LAMA3: variants seen among roughly 807,000 people sequenced by gnomAD.
The protein encoded by LAMA3 is laminin subunit alpha 3, also known as laminin subunit alpha-3.
A neutral mutation model predicts 402.0 loss-of-function variants in LAMA3; 281 were observed. The observed-to-expected ratio is 0.70, with a 90% confidence interval of 0.63 to 0.77. LAMA3 has a LOEUF of 0.77. LAMA3 is among the 30% of genes least tolerant of loss of function. LAMA3 has a pLI of 0.00. For missense variants in LAMA3, 3,840 were observed against 4,215.5 expected, an observed-to-expected ratio of 0.91 and a Z score of 2.47; for synonymous variants, 1,431 against 1,558.4, an observed-to-expected ratio of 0.92 and a Z score of 1.93.
Position 23,901,269 on chromosome 18 carries a change from C to T in LAMA3, c.6147C>T (p.Ala2049=), listed in dbSNP as rs1154226. The T allele has an allele frequency of 4.0e-5, 64 of 1,613,930 alleles. No homozygotes were observed. The highest frequency in any genetic ancestry group is 5.1e-5 in the Non-Finnish European group (60 of 1,180,010). Residue 2049 remains alanine (A), a synonymous_variant, in exon 48 of 75, where the codon GCC becomes GCT. Coordinates refer to ENST00000313654, the MANE Select transcript of LAMA3 (RefSeq NM_198129.4). The stretch of plus-strand genomic sequence containing the variant: ...GGCTGCAGGAGGCAGCTGCCCAAGC[C>T]AAGCAGGCAAATGGCTTGAACCAAG... ...RARLQEAAAQ[A]KQANGLNQEN... is the part of the protein sequence containing the mutation.
rs1383579754 is a variant in LAMA3 at position 23,838,879 on chromosome 18, G to A, written c.3191+1G>A. On this transcript the variant is annotated splice_donor_variant, in intron 26 of 74. Coordinates refer to ENST00000313654, the MANE Select transcript of LAMA3 (RefSeq NM_198129.4). LOFTEE classifies it high-confidence loss of function. ...GTTATGGGCGATTTGTCAATCAAAG[G>A]TAATGTGTTTCCTTCCTGTCTCCCC... 1 of 1,576,288 alleles carries A rather than the reference G, an allele frequency of 6.3e-7. No individual in the cohort carries two copies. Among genetic ancestry groups the A allele is most frequent in the African/African-American group, 1.3e-5 (1 of 74,252 alleles).
At position 23,842,724 on chromosome 18, in the gene LAMA3, G is replaced by T. The variant is rs376027899; in HGVS notation, c.3577G>T (p.Val1193Phe). The change falls in exon 29 of 75, where the codon GTT becomes TTT. Residue 1193 changes from valine to phenylalanine, a missense_variant. Coordinates refer to ENST00000313654, the MANE Select transcript of LAMA3 (RefSeq NM_198129.4). ...SEPEVAATVK[V>F]PEGKSLVLVR... ...GCCTGAAGTGGCCGCAACTGTGAAG[G>T]TTCCAGAAGGAAAGTCCTTGGTTTT... 3.7e-5 allele frequency: 60 copies of T among 1,614,104 alleles called. No individual in the cohort carries two copies. Among genetic ancestry groups the T allele is most frequent in the Middle Eastern group, 1.6e-4 (1 of 6,084 alleles).
In LAMA3 at chr18:23,921,359, G is replaced by A. The variant is rs1424085811; in HGVS notation, c.8044-93G>A. The A allele has an allele frequency of 2.2e-6, 3 of 1,360,260 alleles. No homozygotes were observed. The South Asian group carries it at 4.2e-5, about 19-fold the overall frequency. The allele number at this position is 1,360,260 out of a possible 1,614,324, so 84.3% of individuals were successfully genotyped here. ...TACTATGTATATAAATGAATCTGGG[G>A]GAAGATAAATAAAAACATGATAGTT... is the stretch of plus-strand genomic sequence containing the variant. On this transcript the variant is annotated intron_variant, in intron 61 of 74. Transcript: ENST00000313654.
chr18:23,882,984 AG>A (rs1444321569), intron 40 of LAMA3, among the ~76,000 whole-genome samples: 2 of 152,214 alleles, frequency 1.3e-5, no homozygotes, highest in African/African-American at 4.8e-5. Flanking sequence ...GTGGCCAAGG[AG>A]GCCTGAAGTT....
At chr18:23,895,199 C>CT (rs1359042561) in intron 44 of LAMA3, 141 bp downstream of exon 44, 38 of 965,432 alleles carry the variant, frequency 3.9e-5, no homozygotes, top group Middle Eastern at 3.0e-4. Context: ...GAAGATAAGA[C>CT]TTTTCCTGGT....
At chr18:23,793,430 A>G (rs1414928728) in intron 12 of LAMA3, among the ~76,000 whole-genome samples, 1 of 152,076 alleles carries the variant, frequency 6.6e-6, no homozygotes, top group Non-Finnish European at 1.5e-5. Flanking sequence ...CAGGGGCTGA[A>G]GCAGTTGTGG....
intron 12 of LAMA3, among the ~76,000 whole-genome samples, chr18:23,805,099 T>A (rs943863305): frequency 6.6e-6 from 1 of 152,192 alleles, no homozygotes; most frequent in Non-Finnish European, 1.5e-5. Context: ...GAAAACAAAC[T>A]GCTTGTTGGT....
At chr18:23,758,363 A>C in intron 6 of LAMA3, 33 bp from the exon 7 acceptor site, 1 of 1,555,952 alleles carries the variant, frequency 6.4e-7, no homozygotes, top group Non-Finnish European at 8.8e-7. Context: ...AAAACTTTTC[A>C]ATAACTGAGA....
chr18:23,832,895 T>A (rs2063513946), intron 23 of LAMA3, among the ~76,000 whole-genome samples: 1 of 152,238 alleles, frequency 6.6e-6, no homozygotes, highest in East Asian at 1.9e-4. Context: ...AATCAAATTA[T>A]AATAATTAAT....
intron 41 of LAMA3, among the ~76,000 whole-genome samples, chr18:23,887,865 G>A (rs527585081): frequency 1.9e-4 from 29 of 152,304 alleles, no homozygotes; most frequent in African/African-American, 6.5e-4. Flanking sequence ...AATGTCATTC[G>A]TGAAATCAGG....
In LAMA3 at chr18:23,907,807, A is replaced by G. The variant is rs754645847; in HGVS notation, c.6887A>G (p.Asn2296Ser). Reference protein sequence around the residue: ...SSAKSMVRKANDITDEVLDGL... With the variant: ...SSAKSMVRKASDITDEVLDGL... Reference sequence around the variant, plus strand: ...GCAAAGAGCATGGTCAGAAAGGCCAACGACATCACAGATGAGGTTCTGGAT... The same window carrying G: ...GCAAAGAGCATGGTCAGAAAGGCCAGCGACATCACAGATGAGGTTCTGGAT... The change falls in exon 54 of 75, where the codon AAC becomes AGC. Residue 2296 changes from asparagine (N) to serine (S), a missense_variant. Asn to Ser is a conservative substitution (Grantham distance 46, BLOSUM62 1). This residue lies in a region of LAMA3 where 891 missense variants were observed against 857.5 expected (regional missense o/e 1.04). Coordinates refer to ENST00000313654, the MANE Select transcript of LAMA3 (RefSeq NM_198129.4). 3.1e-6 allele frequency: 5 copies of G among 1,614,232 alleles called. No homozygotes were observed. Among genetic ancestry groups the G allele is most frequent in the South Asian group, 2.2e-5 (2 of 91,086 alleles).
At chr18:23,801,893 A>AT (rs1426310856) in intron 12 of LAMA3, among the ~76,000 whole-genome samples, 2 of 152,218 alleles carry the variant, frequency 1.3e-5, no homozygotes, top group Admixed American at 1.3e-4. Flanking sequence ...ACATTATTTG[A>AT]TTTTTTGCTG....
intron 35 of LAMA3, among the ~76,000 whole-genome samples, chr18:23,863,021 A>AG (rs1568269990): frequency 9.1e-5 from 13 of 143,354 alleles, no homozygotes; most frequent in African/African-American, 3.1e-4. Context: ...GAGAGAGAGA[A>AG]AGAGAGAGAG....
intron 6 of LAMA3, 114 bp from the exon 7 acceptor site, chr18:23,758,282 T>C (rs1344103365): frequency 1.3e-6 from 1 of 749,834 alleles, no homozygotes; most frequent in Non-Finnish European, 2.4e-6. Flanking sequence ...AATTCCTCAA[T>C]GAATGGTGCC....
intron 2 of LAMA3, among the ~76,000 whole-genome samples, chr18:23,741,545 C>T (rs1372679281): frequency 2.0e-5 from 3 of 152,120 alleles, no homozygotes; most frequent in Admixed American, 6.5e-5. Flanking sequence ...TGGACACCAA[C>T]CACAAAGTAA....
chr18:23,760,390 T>C (rs761041104), intron 7 of LAMA3, among the ~76,000 whole-genome samples: 12 of 152,138 alleles, frequency 7.9e-5, no homozygotes, highest in Non-Finnish European at 1.8e-4. Context: ...AAGAAAGCAT[T>C]GAGCCTGTTT....
In LAMA3 at chr18:23,830,091, G is replaced by C. The variant is rs551385119; in HGVS notation, c.2823+2624G>C. 1.8e-3 allele frequency among the ~76,000 whole-genome samples: 276 copies of C among 152,292 alleles called. 2 individuals are homozygous for C. Among genetic ancestry groups the C allele is most frequent in the Non-Finnish European group, 4.9e-4 (33 of 68,028 alleles). Reference sequence around the variant, plus strand: ...CAGACCTAGAGGACAACAGGCTTGTGACTTCAGTCCTGGTGCCATTTTGGG... The same window carrying C: ...CAGACCTAGAGGACAACAGGCTTGTCACTTCAGTCCTGGTGCCATTTTGGG... On this transcript the variant is annotated intron_variant, in intron 23 of 74. Coordinates refer to ENST00000313654, the MANE Select transcript of LAMA3 (RefSeq NM_198129.4).
intron 32 of LAMA3, among the ~76,000 whole-genome samples, chr18:23,850,677 A>T (rs77132324): frequency 6.6e-6 from 1 of 152,226 alleles, no homozygotes; most frequent in Non-Finnish European, 1.5e-5. Context: ...CATTTTTTTT[A>T]GCACAACAAG....
intron 72 of LAMA3, among the ~76,000 whole-genome samples, chr18:23,951,281 G>T (rs1191262107): frequency 6.6e-6 from 1 of 152,224 alleles, no homozygotes; most frequent in Non-Finnish European, 1.5e-5. Flanking sequence ...GGCCCTTGCA[G>T]CAGGCTGTAG....
Sources: gnomAD v4.1 joint callset for allele counts (sites outside exome capture counted in the v4.1 genomes callset) on GRCh38, gnomAD v4.1.1 for gene constraint, gnomAD v4.1.1 regional missense constraint, MANE v1.5 for transcripts, NCBI Gene and HGNC (gene_info 2026-07-23, HGNC 2026-07-21) for gene names.